The following GALM variants were observed in gnomAD, a reference collection of about 807,000 sequenced individuals.
The protein encoded by GALM is aldose 1-epimerase.
Under a neutral mutation model 37.4 loss-of-function variants are expected in GALM, and 43 were observed. The ratio of observed to expected loss-of-function variants is 1.15; its 90% CI spans 0.90 to 1.48. The LOEUF (loss-of-function observed/expected upper bound fraction) is 1.48, where lower values mean the gene tolerates loss of function less well. GALM is among the 40% of genes most tolerant of loss of function. GALM has a pLI of 0.00. For synonymous variants in GALM, 199 were observed against 170.6 expected (o/e 1.17, Z -1.30); for missense variants, 456 against 419.1 (o/e 1.09, Z -0.77).
At chr2:38,713,964 AG>A (rs781687577) in intron 4 of GALM, among the ~76,000 whole-genome samples, 9 of 152,022 alleles carry the variant, frequency 5.9e-5, no homozygotes. Context: ...TGAGTTCTAT[AG>A]GCCTCATCCA....
intron 4 of GALM, among the ~76,000 whole-genome samples, chr2:38,701,745 T>C (rs1665925640): frequency 6.6e-6 from 1 of 152,200 alleles, no homozygotes; most frequent in Non-Finnish European, 1.5e-5. Flanking sequence ...ATCTCTGCCT[T>C]GGAGAAATAG....
intron 4 of GALM, among the ~76,000 whole-genome samples, chr2:38,721,777 A>G (rs1666380648): frequency 6.6e-6 from 1 of 152,048 alleles, no homozygotes; most frequent in Non-Finnish European, 1.5e-5. Context: ...TGGCCTCCCA[A>G]AGTGCTGGGA....
chr2:38,687,940 A>G (rs568649308), intron 3 of GALM, among the ~76,000 whole-genome samples: 15 of 151,864 alleles, frequency 9.9e-5, no homozygotes, highest in African/African-American at 3.1e-4. Context: ...GGCCGGGCAC[A>G]GTGCCTCACA....
intron 4 of GALM, among the ~76,000 whole-genome samples, chr2:38,720,621 G>A (rs756650704): frequency 7.9e-5 from 12 of 152,130 alleles, no homozygotes; most frequent in African/African-American, 2.2e-4. Context: ...TTCTATTGGC[G>A]GGGAATTTAG....
At chr2:38,728,376 G>A (rs1666528386) in intron 4 of GALM, among the ~76,000 whole-genome samples, 2 of 144,960 alleles carry the variant, frequency 1.4e-5, no homozygotes, top group Middle Eastern at 4.3e-3. Context: ...CCTGGGCGAC[G>A]AGCAAAACTC....
chr2:38,673,963 A>C (rs918515899), intron 1 of GALM, among the ~76,000 whole-genome samples: 1 of 141,326 alleles, frequency 7.1e-6, no homozygotes, highest in Non-Finnish European at 1.5e-5. Context: ...TTCTCTTTAT[A>C]TGGAATATGT....
chr2:38,669,191 C>T (rs968613734), intron 1 of GALM: 1 of 152,268 alleles, frequency 6.6e-6, no homozygotes, highest in Non-Finnish European at 1.5e-5. Context: ...GAAACGAAAT[C>T]CACAGGCAGA....
chr2:38,717,820 G>C (rs1014278032), intron 4 of GALM, among the ~76,000 whole-genome samples: 1 of 151,312 alleles, frequency 6.6e-6, no homozygotes, highest in Non-Finnish European at 1.5e-5. Flanking sequence ...AGCAAAATAC[G>C]GAACAAATTA....
At chr2:38,700,742 T>G (rs1482698044) in intron 4 of GALM, among the ~76,000 whole-genome samples, 1 of 152,216 alleles carries the variant, frequency 6.6e-6, no homozygotes, top group African/African-American at 2.4e-5. Flanking sequence ...TATTGATAGG[T>G]GAGGACTTCT....
chr2:38,698,949 T>C (rs1665863777), intron 4 of GALM, among the ~76,000 whole-genome samples: 1 of 152,012 alleles, frequency 6.6e-6, no homozygotes, highest in African/African-American at 2.4e-5. Context: ...GTTTTGCTCT[T>C]GTTGCCTAGG....
intron 2 of GALM, among the ~76,000 whole-genome samples, chr2:38,679,260 TACAAGTGTG>T: frequency 6.6e-6 from 1 of 152,182 alleles, no homozygotes; most frequent in East Asian, 1.9e-4. Context: ...GTGCTGTGAT[TACAAGTGTG>T]AGCCACTGCA....
chr2:38,720,564 G>T (rs1666356087), intron 4 of GALM, among the ~76,000 whole-genome samples: 1 of 152,088 alleles, frequency 6.6e-6, no homozygotes, highest in Non-Finnish European at 1.5e-5. Flanking sequence ...GCAATCTATT[G>T]CTATACAACA....
intron 1 of GALM, 96 bp downstream of exon 1, chr2:38,666,447 G>T: frequency 2.1e-6 from 2 of 959,438 alleles, no homozygotes; most frequent in Non-Finnish European, 3.1e-6. Flanking sequence ...AGGGACCAAG[G>T]GGGAAAGTCG....
At chr2:38,691,906 A>G (rs1665682828) in intron 4 of GALM, among the ~76,000 whole-genome samples, 1 of 151,034 alleles carries the variant, frequency 6.6e-6, no homozygotes, top group South Asian at 2.1e-4. Flanking sequence ...CAATACTATA[A>G]AAAAAATAAA....
intron 2 of GALM, among the ~76,000 whole-genome samples, chr2:38,680,592 G>A (rs886667577): frequency 7.9e-5 from 12 of 151,810 alleles, no homozygotes; most frequent in Admixed American, 3.9e-4. Context: ...AGCCTTGTAG[G>A]GATTTTAATA....
intron 1 of GALM, 139 bp from the exon 2 acceptor site, chr2:38,675,773 G>C: frequency 1.3e-6 from 1 of 750,046 alleles, no homozygotes; most frequent in South Asian, 1.6e-5. Flanking sequence ...GTTTCACCGT[G>C]TTAGCCAGGA....
intron 4 of GALM, among the ~76,000 whole-genome samples, chr2:38,714,990 AT>A (rs1216571837): frequency 6.6e-6 from 1 of 151,936 alleles, no homozygotes; most frequent in African/African-American, 2.4e-5. Flanking sequence ...CTATAGTTGG[AT>A]TTTTTTCCTT....
intron 3 of GALM, among the ~76,000 whole-genome samples, chr2:38,688,171 T>A: frequency 6.7e-6 from 1 of 148,540 alleles, no homozygotes; most frequent in Non-Finnish European, 1.5e-5. Context: ...AAGATTACAC[T>A]ACTTCACTCC....
At chr2:38,671,339 G>C (rs922626669) in intron 1 of GALM, 1 of 152,220 alleles carries the variant, frequency 6.6e-6, no homozygotes, top group African/African-American at 2.4e-5. Context: ...AAGAAAATAG[G>C]TTTAGTTGAC....
Sources: gnomAD v4.1 joint callset for allele counts (sites outside exome capture counted in the v4.1 genomes callset) on GRCh38, gnomAD v4.1.1 for gene constraint, MANE v1.5 for transcripts, NCBI Gene and HGNC (gene_info 2026-07-23, HGNC 2026-07-21) for gene names.